Variants in FGD3 observed in about 807,000 individuals in gnomAD.
FGD3 encodes the protein FYVE, RhoGEF and PH domain-containing protein 3.
In FGD3, 45 loss-of-function variants were observed where a neutral mutation model predicts 71.8. The observed-to-expected ratio is 0.63, with a 90% CI of 0.49 to 0.80. The LOEUF (loss-of-function observed/expected upper bound fraction) is 0.80. FGD3 is among the 30% of genes least tolerant of loss of function. FGD3 has a pLI of 0.00. For synonymous variants in FGD3, 378 were observed against 392.8 expected (o/e 0.96, Z 0.44); for missense variants, 844 against 951.5 (o/e 0.89, Z 1.49).
chr9:93,034,511 T>C (rs748556444), intron 16 of FGD3, 30 bp from the exon 17 acceptor site: 3 of 1,585,284 alleles, frequency 1.9e-6, no homozygotes, highest in African/African-American at 2.7e-5. Context: ...CAGGGGAGAC[T>C]GCCCCTAACC....
chr9:92,999,076 G>A (rs1860756182), intron 3 of FGD3, among the ~76,000 whole-genome samples: 1 of 152,224 alleles, frequency 6.6e-6, no homozygotes, highest in Admixed American at 6.5e-5. Context: ...CAGAGGTGGA[G>A]TCTACAGAGG....
intron 9 of FGD3, 51 bp downstream of exon 9, chr9:93,014,049 C>T (rs754022748): frequency 7.7e-5 from 121 of 1,565,438 alleles, no homozygotes; most frequent in Non-Finnish European, 2.2e-5. Flanking sequence ...TGCCATTTGC[C>T]TCAAGCCCAG....
intron 1 of FGD3, among the ~76,000 whole-genome samples, chr9:92,962,337 C>A (rs1238761569): frequency 1.3e-5 from 2 of 152,186 alleles, no homozygotes; most frequent in Non-Finnish European, 2.9e-5. Flanking sequence ...CCTAATGGGA[C>A]CCCACTGCTG....
chr9:93,003,903 G>A lies in FGD3; in HGVS notation c.544-98G>A. 1.4e-6 allele frequency: 2 copies of A among 1,429,390 alleles called. No individual in the cohort carries two copies. The highest frequency in any genetic ancestry group is 1.2e-5 in the South Asian group (1 of 82,688). 88.5% of individuals were successfully genotyped at this position (1,429,390 alleles called of 1,614,324 possible). A position where few individuals can be genotyped will look rare whatever the true frequency, so the allele number is the denominator to read the frequency against. ...TAAGAAAACACAAGGTGGCAGCAGCGGCCCCTCCCGAGCGCCCTCACCTGT... is the reference window on the plus strand; with the variant it reads ...TAAGAAAACACAAGGTGGCAGCAGCAGCCCCTCCCGAGCGCCCTCACCTGT... On this transcript the variant is annotated intron_variant, in intron 4 of 17. Transcript: ENST00000375482. This position sits in a 1 kb window ranked among gnomAD's most constrained non-coding sequence, Gnocchi z 4.1.
chr9:92,982,646 C>T (rs570837064), intron 3 of FGD3, among the ~76,000 whole-genome samples: 13 of 150,996 alleles, frequency 8.6e-5, no homozygotes, highest in Admixed American at 2.0e-4. Context: ...TCATGCAGTT[C>T]GCTCCTGTTC....
At chr9:92,967,686 T>A (rs1435059371) in intron 1 of FGD3, among the ~76,000 whole-genome samples, 1 of 152,226 alleles carries the variant, frequency 6.6e-6, no homozygotes. Flanking sequence ...GCTATTCTCC[T>A]GCCTCAGCCT....
At chr9:92,968,714 G>C (rs1859428765) in intron 1 of FGD3, among the ~76,000 whole-genome samples, 2 of 148,756 alleles carry the variant, frequency 1.3e-5, no homozygotes, top group African/African-American at 5.0e-5. Context: ...CAATTCTCCT[G>C]TCTCAGCCTC....
At chr9:92,997,877 C>A (rs1483731979) in intron 3 of FGD3, among the ~76,000 whole-genome samples, 1 of 152,188 alleles carries the variant, frequency 6.6e-6, no homozygotes, top group Non-Finnish European at 1.5e-5. Context: ...GATAACCCAA[C>A]CTTTCTCTCT....
rs141056625 is a variant in FGD3, at chr9:93,015,696, C to T, written c.1183-41C>T. On this transcript the variant is annotated intron_variant, in intron 9 of 17. Coordinates refer to ENST00000375482, the MANE Select transcript of FGD3 (RefSeq NM_001083536.2). ...TCACTGGGGCCCCTGGGGGGACCTG[C>T]GGGCAGCTCTCGTTCCTCACCTGTG... is the stretch of plus-strand genomic sequence containing the variant. 2,811 of 1,561,706 alleles carry T rather than the reference C, an allele frequency of 1.8e-3. 48 individuals are homozygous for T. The African/African-American group carries it at 0.034, about 19-fold the overall frequency.
intron 3 of FGD3, among the ~76,000 whole-genome samples, chr9:92,989,366 T>G (rs1449822134): frequency 1.3e-5 from 2 of 152,204 alleles, no homozygotes; most frequent in African/African-American, 2.4e-5. Context: ...GACCTCTTCA[T>G]CCGCCCACCT....
intron 1 of FGD3, among the ~76,000 whole-genome samples, chr9:92,955,802 A>G (rs1490975480): frequency 6.6e-6 from 1 of 152,232 alleles, no homozygotes; most frequent in Non-Finnish European, 1.5e-5. Flanking sequence ...TGAGAATGTT[A>G]TATAAACGGA....
chr9:93,015,832 G>A lies in FGD3; in HGVS notation c.1275+3G>A. On this transcript the variant is annotated splice_donor_region_variant and intron_variant, in intron 10 of 17. Coordinates refer to ENST00000375482, the MANE Select transcript of FGD3 (RefSeq NM_001083536.2). ...AGATGGACATCTCAGGCCTCCAGGT[G>A]GGTGAGCTCCTCCATCTCAAACCTG... 1.2e-6 allele frequency: 2 copies of A among 1,613,962 alleles called. No homozygotes were observed. Among genetic ancestry groups the A allele is most frequent in the Non-Finnish European group, 1.7e-6 (2 of 1,179,832 alleles).
intron 1 of FGD3, among the ~76,000 whole-genome samples, chr9:92,958,141 G>A (rs984582028): frequency 6.6e-6 from 1 of 151,828 alleles, no homozygotes; most frequent in Non-Finnish European, 1.5e-5. Flanking sequence ...TGGGATTACA[G>A]GTGCGCACCA....
rs1030024839 is a variant in FGD3, at chr9:93,020,390, A to C, written c.1460A>C (p.Gln487Pro). ...TFKAFGGAFS[Q>P]DEDPSLSPDM... is the part of the protein sequence containing the mutation. ...AAGGCTTTTGGTGGCGCCTTCAGCC[A>C]GGATGAGGACCCCAGCCTCTCTCCA... The change falls in exon 13 of 18, where the codon CAG (glutamine) becomes CCG (proline). Residue 487 changes from glutamine to proline, a missense_variant. Coordinates refer to ENST00000375482, the MANE Select transcript of FGD3 (RefSeq NM_001083536.2). 1 of 1,613,678 alleles carries C rather than the reference A, an allele frequency of 6.2e-7. No individual in the cohort carries two copies. The highest frequency in any genetic ancestry group is 1.1e-5 in the South Asian group (1 of 91,034).
chr9:93,015,464 T>A (rs1030944435), intron 9 of FGD3, among the ~76,000 whole-genome samples: 9 of 151,512 alleles, frequency 5.9e-5, no homozygotes, highest in Non-Finnish European at 7.4e-5. Flanking sequence ...CTCAAAAAAA[T>A]AAAAAAAGGT....
At chr9:93,035,177 A>T (rs554147515) in intron 17 of FGD3, among the ~76,000 whole-genome samples, 161 bp from the exon 18 acceptor site, 1 of 152,188 alleles carries the variant, frequency 6.6e-6, no homozygotes, top group East Asian at 1.9e-4. Context: ...CCTCCTGTTG[A>T]CAAAAGGCAG....
At chr9:93,028,367 C>A (rs769331871) in intron 14 of FGD3, among the ~76,000 whole-genome samples, 4 of 151,270 alleles carry the variant, frequency 2.6e-5, no homozygotes, top group African/African-American at 4.9e-5. Context: ...AAGAAAAACA[C>A]CTGCAGGCTT....
chr9:93,028,042 G>C (rs1862189336), intron 14 of FGD3, among the ~76,000 whole-genome samples: 1 of 151,958 alleles, frequency 6.6e-6, no homozygotes, highest in Admixed American at 6.6e-5. Context: ...AACCTGAAGA[G>C]TTTATGTTAA....
rs775146175 is a variant in FGD3, at chr9:92,976,554, C to T, written c.298C>T (p.Pro100Ser). 1 of 1,612,422 alleles carries T rather than the reference C, an allele frequency of 6.2e-7. No homozygotes were observed. Among genetic ancestry groups the T allele is most frequent in the Non-Finnish European group, 8.5e-7 (1 of 1,179,844 alleles). Residue 100 changes from proline (P) to serine (S), a missense_variant, in exon 3 of 18, where the codon CCA (proline) becomes TCA (serine). By Grantham distance (74) the Pro-to-Ser change is moderately conservative. Coordinates refer to ENST00000375482, the MANE Select transcript of FGD3 (RefSeq NM_001083536.2). Reference sequence around the variant, plus strand: ...CTGCGAGGAGGGCTTGGAGGCTGGCCCAAGCCCCACTGTACTGGGGGCGCA... The same window carrying T: ...CTGCGAGGAGGGCTTGGAGGCTGGCTCAAGCCCCACTGTACTGGGGGCGCA... ...FPCEEGLEAGPSPTVLGAHAE... is the reference protein window; with the variant it reads ...FPCEEGLEAGSSPTVLGAHAE...
Sources: gnomAD v4.1 joint callset for allele counts (sites outside exome capture counted in the v4.1 genomes callset) on GRCh38, gnomAD v4.1.1 for gene constraint, Gnocchi (gnomAD v3.1) non-coding constraint, MANE v1.5 for transcripts, NCBI Gene and HGNC (gene_info 2026-07-23, HGNC 2026-07-21) for gene names.